Variants in GLCE observed in about 807,000 individuals in gnomAD.
GLCE encodes the protein D-glucuronyl C5-epimerase.
Under a neutral mutation model 47.9 loss-of-function variants are expected in GLCE, and 19 were observed. The ratio of observed to expected loss-of-function variants is 0.40; its 90% confidence interval spans 0.28 to 0.58. GLCE has a LOEUF of 0.58. GLCE is among the 20% of genes least tolerant of loss of function. GLCE has a pLI of 0.48. For synonymous variants in GLCE, 245 were observed against 263.4 expected (o/e 0.93, Z 0.68); for missense variants, 556 against 743.3 (o/e 0.75, Z 2.93).
intron 1 of GLCE, among the ~76,000 whole-genome samples, chr15:69,170,304 CAG>C: frequency 6.6e-6 from 1 of 152,120 alleles, no homozygotes; most frequent in Non-Finnish European, 1.5e-5. Flanking sequence ...AAGAATGCCT[CAG>C]ATGTCTTGTA....
intron 2 of GLCE, among the ~76,000 whole-genome samples, chr15:69,229,104 T>C (rs1289405268): frequency 6.6e-6 from 1 of 152,170 alleles, no homozygotes; most frequent in Non-Finnish European, 1.5e-5. Flanking sequence ...TATGCTAATA[T>C]CAGGCAAAGT....
At chr15:69,200,502 A>G (rs867236113) in intron 1 of GLCE, among the ~76,000 whole-genome samples, 2 of 152,166 alleles carry the variant, frequency 1.3e-5, no homozygotes, top group African/African-American at 2.4e-5. Context: ...ATACTAATTC[A>G]TGATTGATAA....
intron 1 of GLCE, among the ~76,000 whole-genome samples, 173 bp from the exon 2 acceptor site, chr15:69,210,143 A>T (rs927475206): frequency 2.6e-5 from 4 of 152,110 alleles, no homozygotes; most frequent in Admixed American, 1.3e-4. Context: ...TCAGTGGTAC[A>T]TCAAATTCTG....
At chr15:69,268,079 A>G in intron 4 of GLCE, 141 bp from the exon 5 acceptor site, 1 of 581,364 alleles carries the variant, frequency 1.7e-6, no homozygotes, top group Admixed American at 3.4e-5. Context: ...TAAAAAATAA[A>G]ATTACAAATG....
chr15:69,229,435 CA>C (rs2052490584), intron 2 of GLCE, among the ~76,000 whole-genome samples: 1 of 151,932 alleles, frequency 6.6e-6, no homozygotes, highest in African/African-American at 2.4e-5. Flanking sequence ...TCAGAGATGA[CA>C]AGGAATGAAA....
chr15:69,232,924 T>A (rs892563486), intron 2 of GLCE, among the ~76,000 whole-genome samples: 6 of 152,144 alleles, frequency 3.9e-5, no homozygotes, highest in African/African-American at 1.4e-4. Flanking sequence ...TGAGAGTATT[T>A]CTGTTTGGGT....
chr15:69,223,020 C>A (rs1035834462), intron 2 of GLCE, among the ~76,000 whole-genome samples: 1 of 152,136 alleles, frequency 6.6e-6, no homozygotes, highest in African/African-American at 2.4e-5. Flanking sequence ...TTGTTGGTGT[C>A]ACAAATTACA....
chr15:69,214,853 T>C (rs1202206586), intron 2 of GLCE, among the ~76,000 whole-genome samples: 1 of 152,192 alleles, frequency 6.6e-6, no homozygotes, highest in Admixed American at 6.5e-5. Flanking sequence ...TAATCCATAC[T>C]CCTGTGAGAA....
intron 2 of GLCE, among the ~76,000 whole-genome samples, chr15:69,213,007 T>G (rs1276153542): frequency 6.6e-6 from 1 of 152,084 alleles, no homozygotes; most frequent in African/African-American, 2.4e-5. Context: ...ACACGTAATT[T>G]GCTATCAAGA....
intron 2 of GLCE, among the ~76,000 whole-genome samples, chr15:69,224,615 T>G (rs1248877188): frequency 1.3e-5 from 2 of 152,142 alleles, no homozygotes; most frequent in Admixed American, 6.5e-5. Flanking sequence ...AGAGTACAGA[T>G]CTCCATACCT....
intron 2 of GLCE, among the ~76,000 whole-genome samples, chr15:69,238,826 C>T (rs956533070): frequency 3.3e-5 from 5 of 152,108 alleles, no homozygotes; most frequent in Non-Finnish European, 5.9e-5. Context: ...GAGTGGAATG[C>T]CTGAATAGGC....
At chr15:69,171,617 C>T (rs1242237386) in intron 1 of GLCE, among the ~76,000 whole-genome samples, 2 of 151,868 alleles carry the variant, frequency 1.3e-5, no homozygotes, top group South Asian at 2.1e-4. Flanking sequence ...AGGCTGGTCT[C>T]GAACTCCTGA....
intron 2 of GLCE, among the ~76,000 whole-genome samples, chr15:69,217,218 A>G (rs1454637703): frequency 1.3e-5 from 2 of 151,824 alleles, no homozygotes; most frequent in African/African-American, 4.8e-5. Context: ...TATAACTTAC[A>G]TTAATGACTG....
chr15:69,189,974 A>G (rs1340338182), intron 1 of GLCE, among the ~76,000 whole-genome samples: 1 of 151,458 alleles, frequency 6.6e-6, no homozygotes, highest in African/African-American at 2.4e-5. Flanking sequence ...CCCTCATCCC[A>G]CTCTCCACCC....
At chr15:69,216,673 T>G (rs945250553) in intron 2 of GLCE, among the ~76,000 whole-genome samples, 1 of 152,150 alleles carries the variant, frequency 6.6e-6, no homozygotes, top group African/African-American at 2.4e-5. Context: ...TACAGCAAAC[T>G]GTATAGCTGC....
chr15:69,238,257 TTGGTGTGAAAGTATA>T (rs1234080531), intron 2 of GLCE, among the ~76,000 whole-genome samples: 2 of 152,138 alleles, frequency 1.3e-5, no homozygotes, highest in African/African-American at 4.8e-5. Flanking sequence ...TCTTATCTAG[TTGGTGTGAAAGTATA>T]TGGTGACTTG....
rs758905902 is a variant in GLCE at position 69,179,617 on chromosome 15, G to A, written c.-105+18860G>A. Among the ~76,000 whole-genome samples the A allele has an allele frequency of 2.6e-5, 4 of 152,222 alleles. No homozygotes were observed. In the South Asian group the frequency reaches 6.2e-4, roughly 24 times the overall value. ...ATCTCTCATCCTAACCACTGACAAC[G>A]TAACTCCTGGCCTTAAAGAGCATAT... On this transcript the variant is annotated intron_variant, in intron 1 of 4. Coordinates refer to ENST00000261858, the MANE Select transcript of GLCE (RefSeq NM_015554.3).
In GLCE at chr15:69,197,198, G is replaced by A. The variant is rs80234015; in HGVS notation, c.-104-13118G>A. The stretch of plus-strand genomic sequence containing the variant: ...ACAACCAACGCTTCAAAAGTTGAAT[G>A]AATTGGGCACAAAGTTTTGCCTCAT... On this transcript the variant is annotated intron_variant, in intron 1 of 4. Coordinates refer to ENST00000261858, the MANE Select transcript of GLCE (RefSeq NM_015554.3). 1,039 of 422,556 alleles carry A rather than the reference G, an allele frequency of 2.5e-3. 15 individuals carry two copies. Among genetic ancestry groups the A allele is most frequent in the African/African-American group, 0.02 (988 of 49,432 alleles). The allele number at this position is 422,556 out of a possible 1,614,324, so 26.2% of individuals were successfully genotyped here. A position where few individuals can be genotyped will look rare whatever the true frequency, so the allele number is the denominator to read the frequency against.
intron 1 of GLCE, among the ~76,000 whole-genome samples, chr15:69,177,966 C>G (rs1042348863): frequency 1.3e-5 from 2 of 151,888 alleles, no homozygotes; most frequent in Admixed American, 1.3e-4. Flanking sequence ...TAGTAATATC[C>G]CATTATATGG....
Sources: allele counts gnomAD v4.1 joint callset (sites outside exome capture counted in the v4.1 genomes callset), GRCh38; gene constraint gnomAD v4.1.1; transcripts MANE v1.5; gene names NCBI Gene and HGNC (gene_info 2026-07-23, HGNC 2026-07-21).